Variants in STIMATE observed in about 807,000 individuals in gnomAD.
STIMATE encodes the protein store-operated calcium entry regulator STIMATE.
A neutral mutation model predicts 36.7 loss-of-function variants in STIMATE; 15 were observed. The observed-to-expected ratio is 0.41, with a 90% CI of 0.27 to 0.63. The LOEUF is 0.63. Among genes scored for constraint, STIMATE ranks in the 20% least tolerant of loss-of-function variants. The probability of loss-of-function intolerance (pLI) is 0.32; values close to 1 mark genes in which losing one functional copy is unlikely to be tolerated. For synonymous variants in STIMATE, 163 were observed against 162.3 expected, an observed-to-expected ratio of 1.00 and a Z score of -0.03; for missense variants, 305 against 397.3, an observed-to-expected ratio of 0.77 and a Z score of 1.98.
chr3:52,859,318 C>T (rs1701164862), intron 1 of STIMATE, among the ~76,000 whole-genome samples: 1 of 149,752 alleles, frequency 6.7e-6, no homozygotes, highest in African/African-American at 2.4e-5. Flanking sequence ...AATGGATATA[C>T]ATTTATGCTG....
intron 1 of STIMATE, among the ~76,000 whole-genome samples, chr3:52,887,998 T>TTTTTTTTTTG (rs1559499713): frequency 8.4e-6 from 1 of 119,230 alleles, no homozygotes. Context: ...GAATCAGTTT[T>TTTTTTTTTTG]TTTTTTTTTT....
At chr3:52,868,651 T>C (rs1701351558) in intron 1 of STIMATE, among the ~76,000 whole-genome samples, 2 of 152,172 alleles carry the variant, frequency 1.3e-5, no homozygotes, top group South Asian at 4.1e-4. Context: ...AGACAGTGTT[T>C]TGCTCTTGTC....
intron 1 of STIMATE, 148 bp downstream of exon 1, chr3:52,897,143 C>A: frequency 9.5e-7 from 1 of 1,047,396 alleles, no homozygotes; most frequent in Non-Finnish European, 1.3e-6. Flanking sequence ...CGGGCTACCC[C>A]TAGTGCAGGA....
At chr3:52,843,616 A>G (rs1700845210) in intron 6 of STIMATE, 105 bp downstream of exon 6, 1 of 1,475,094 alleles carries the variant, frequency 6.8e-7, no homozygotes, top group Non-Finnish European at 9.1e-7. Context: ...GTCACGCAAA[A>G]AGACCTGAGG....
chr3:52,853,759 C>T (rs895110565), intron 2 of STIMATE, among the ~76,000 whole-genome samples: 3 of 152,200 alleles, frequency 2.0e-5, no homozygotes, highest in Non-Finnish European at 2.9e-5. Flanking sequence ...TTATCAAATT[C>T]GCCAGCAACA....
chr3:52,864,849 C>A (rs1442745028), intron 1 of STIMATE, among the ~76,000 whole-genome samples: 2 of 152,190 alleles, frequency 1.3e-5, no homozygotes, highest in Non-Finnish European at 2.9e-5. Flanking sequence ...TGCTCCAGTT[C>A]CCAACAAGTT....
intron 1 of STIMATE, among the ~76,000 whole-genome samples, chr3:52,879,793 T>C (rs1184150795): frequency 1.3e-5 from 2 of 152,188 alleles, no homozygotes; most frequent in African/African-American, 4.8e-5. Flanking sequence ...GCAGAGTGCA[T>C]GGTAAGCACC....
At chr3:52,849,626 CA>C (rs1444937303) in intron 4 of STIMATE, among the ~76,000 whole-genome samples, 165 bp downstream of exon 4, 1 of 42,676 alleles carries the variant, frequency 2.3e-5, no homozygotes, top group Non-Finnish European at 1.0e-4. Flanking sequence ...CCCACACCCA[CA>C]GGAGGGTGTG....
At chr3:52,896,190 A>C (rs1701861884) in intron 1 of STIMATE, among the ~76,000 whole-genome samples, 1 of 152,166 alleles carries the variant, frequency 6.6e-6, no homozygotes, top group South Asian at 2.1e-4. Context: ...CACTCCAGCA[A>C]CTGGACCCCA....
chr3:52,891,109 AAG>A (rs1701775344), intron 1 of STIMATE, among the ~76,000 whole-genome samples: 2 of 152,244 alleles, frequency 1.3e-5, no homozygotes, highest in Non-Finnish European at 1.5e-5. Flanking sequence ...ATTATCAAGA[AAG>A]AAAATCAGAA....
Position 52,846,471 on chromosome 3 carries a change from G to C in STIMATE, c.428-1530C>G, listed in dbSNP as rs1208366921. 3 of 152,242 alleles carry C rather than the reference G, an allele frequency of 2.0e-5. No individual in the cohort carries two copies. In the East Asian group the frequency reaches 5.8e-4, roughly 29 times the overall value. The allele number at this position is 152,242 out of a possible 1,614,324, so 9.4% of individuals were successfully genotyped here. A position where few individuals can be genotyped will look rare whatever the true frequency, so the allele number is the denominator to read the frequency against. ...AGGAAATCTCTCTGTGAGGACTGGA[G>C]TGTTTGGGAGCCAGCGGAGCGCGCG... is the stretch of plus-strand genomic sequence containing the variant. On this transcript the variant is annotated intron_variant, in intron 4 of 7. Transcript: ENST00000355083.
chr3:52,897,531 A>G lies in STIMATE; in HGVS notation c.-81T>C. 8.5e-7 allele frequency: 1 copy of G among 1,181,496 alleles called. No individual in the cohort carries two copies. The highest frequency in any genetic ancestry group is 1.0e-6 in the Non-Finnish European group (1 of 956,554). The allele number at this position is 1,181,496 out of a possible 1,614,324, so 73.2% of individuals were successfully genotyped here. A position where few individuals can be genotyped will look rare whatever the true frequency, so the allele number is the denominator to read the frequency against. Reference sequence around the variant, plus strand: ...GCCGGCGCAGCGCCGCCAAACCCGCAGCCGGGATCCCAAGCCTGAGCCGGT... The same window carrying G: ...GCCGGCGCAGCGCCGCCAAACCCGCGGCCGGGATCCCAAGCCTGAGCCGGT... On this transcript the variant is annotated 5_prime_UTR_variant, in exon 1 of 8. Transcript: ENST00000355083.
chr3:52,872,255 C>T (rs958060707), intron 1 of STIMATE, among the ~76,000 whole-genome samples: 12 of 152,174 alleles, frequency 7.9e-5, no homozygotes, highest in African/African-American at 2.2e-4. Flanking sequence ...GCTCTGTTTA[C>T]CTCTGTATTC....
At chr3:52,886,178 G>A (rs1701684450) in intron 1 of STIMATE, among the ~76,000 whole-genome samples, 1 of 152,126 alleles carries the variant, frequency 6.6e-6, no homozygotes, top group Non-Finnish European at 1.5e-5. Context: ...AAACCAAGCA[G>A]GTCAGGGACA....
intron 1 of STIMATE, among the ~76,000 whole-genome samples, chr3:52,890,379 A>G (rs1311725211): frequency 6.6e-6 from 1 of 152,276 alleles, no homozygotes; most frequent in Non-Finnish European, 1.5e-5. Flanking sequence ...GTTTGCTGAG[A>G]AATTCACAAA....
rs191229349 is a variant in STIMATE, at chr3:52,838,686, C to G, written c.*1808G>C. 1.3e-5 allele frequency: 2 copies of G among 152,408 alleles called. No homozygotes were observed. Among genetic ancestry groups the G allele is most frequent in the East Asian group, 1.9e-4 (1 of 5,194 alleles). 9.4% of individuals were successfully genotyped at this position (152,408 alleles called of 1,614,324 possible). A position where few individuals can be genotyped will look rare whatever the true frequency, so the allele number is the denominator to read the frequency against. Reference sequence around the variant, plus strand: ...CCTCTCAGCACCCTGGCTCTGCACTCCTGGTGGAAGATGGGCTGAGAAGGC... The same window carrying G: ...CCTCTCAGCACCCTGGCTCTGCACTGCTGGTGGAAGATGGGCTGAGAAGGC... On this transcript the variant is annotated 3_prime_UTR_variant, in exon 8 of 8. Coordinates refer to ENST00000355083, the MANE Select transcript of STIMATE (RefSeq NM_198563.5).
intron 1 of STIMATE, among the ~76,000 whole-genome samples, chr3:52,887,942 T>C (rs1031420995): frequency 6.8e-6 from 1 of 147,516 alleles, no homozygotes; most frequent in Non-Finnish European, 1.5e-5. Flanking sequence ...GCTAAATGGA[T>C]TAATAGGCAA....
At chr3:52,864,897 G>C (rs1483281760) in intron 1 of STIMATE, among the ~76,000 whole-genome samples, 3 of 151,476 alleles carry the variant, frequency 2.0e-5, no homozygotes, top group Non-Finnish European at 4.4e-5. Context: ...CCTGGACCTT[G>C]TCTACATCAC....
At chr3:52,853,123 T>C (rs770772142) in intron 2 of STIMATE, among the ~76,000 whole-genome samples, 2 of 152,120 alleles carry the variant, frequency 1.3e-5, no homozygotes, top group Non-Finnish European at 2.9e-5. Context: ...GCTGCTGCCA[T>C]TTAAACAATG....
Sources: allele counts gnomAD v4.1 joint callset (sites outside exome capture counted in the v4.1 genomes callset), GRCh38; gene constraint gnomAD v4.1.1; transcripts MANE v1.5; gene names NCBI Gene and HGNC (gene_info 2026-07-23, HGNC 2026-07-21).